The following DGKZ variants were observed in gnomAD, a reference collection of about 807,000 sequenced individuals.
DGKZ encodes diacylglycerol kinase zeta.
In DGKZ, 45 loss-of-function variants were observed where a neutral mutation model predicts 142.5. That is an observed-to-expected ratio of 0.32 (90% confidence interval 0.25 to 0.40). The LOEUF (loss-of-function observed/expected upper bound fraction) is 0.40, where lower values mean the gene tolerates loss of function less well. Among genes scored for constraint, DGKZ ranks in the 10% least tolerant of loss-of-function variants. DGKZ has a pLI of 1.00. For missense variants in DGKZ, 755 were observed against 1,306.5 expected, an observed-to-expected ratio of 0.58 and a Z score of 6.51; for synonymous variants, 442 against 527.0, an observed-to-expected ratio of 0.84 and a Z score of 2.21.
At chr11:46,335,568 G>A (rs888519849) in intron 1 of DGKZ, among the ~76,000 whole-genome samples, 4 of 152,266 alleles carry the variant, frequency 2.6e-5, no homozygotes, top group African/African-American at 9.6e-5. Flanking sequence ...ATCCCACTGA[G>A]GTCCCCCCAA....
At chr11:46,377,190 T>C in exon 25 of DGKZ, 1 of 1,596,874 alleles carries the variant, frequency 6.3e-7, no homozygotes, top group South Asian at 1.1e-5. Context: ...TCTCCCCACC[T>C]CACCCTGCTC....
Position 46,367,157 on chromosome 11 carries a change from T to C in DGKZ, c.162-134T>C. On this transcript the variant is annotated intron_variant, in intron 1 of 30. Transcript: ENST00000527911. The surrounding 1 kb of genome is among the most constrained non-coding windows in gnomAD (Gnocchi z 4.1). ...ATGTCTCTTGCAGGGAGCCTCTTAGTGTCTGGGGCTGCTGGGAGGCTCCTC... is the reference window on the plus strand; with the variant it reads ...ATGTCTCTTGCAGGGAGCCTCTTAGCGTCTGGGGCTGCTGGGAGGCTCCTC... The C allele has an allele frequency of 8.1e-7, 1 of 1,229,286 alleles. No individual in the cohort carries two copies. Among genetic ancestry groups the C allele is most frequent in the Non-Finnish European group, 1.2e-6 (1 of 857,826 alleles). The allele number at this position is 1,229,286 out of a possible 1,614,324, so 76.1% of individuals were successfully genotyped here.
chr11:46,363,924 G>T (rs1454778803), intron 1 of DGKZ, among the ~76,000 whole-genome samples: 1 of 152,210 alleles, frequency 6.6e-6, no homozygotes, highest in African/African-American at 2.4e-5. Flanking sequence ...GCCGCTGACT[G>T]GCCGTGGGAC....
chr11:46,337,287 C>CTTTTT (rs948859545), intron 1 of DGKZ, among the ~76,000 whole-genome samples: 2 of 86,290 alleles, frequency 2.3e-5, no homozygotes, highest in Non-Finnish European at 4.9e-5. Flanking sequence ...TAAATGGGTT[C>CTTTTT]TTTTTTTTTT....
intron 1 of DGKZ, among the ~76,000 whole-genome samples, chr11:46,335,907 C>G (rs187719639): frequency 6.6e-6 from 1 of 152,178 alleles, no homozygotes; most frequent in African/African-American, 2.4e-5. Flanking sequence ...ACTGGGGGAC[C>G]GGGGGCTGGC....
rs909823965 is a variant in DGKZ, at chr11:46,374,919, C to T, written c.1599-15C>T. ...GACTGTGTTTTGAGGCCCATGTCAT[C>T]GCCCGCCTTTGCAGGTACTGTGCGG... On this transcript the variant is annotated splice_polypyrimidine_tract_variant and intron_variant, in intron 18 of 30. Transcript: ENST00000527911. The T allele has an allele frequency of 5.7e-6, 9 of 1,579,670 alleles. No homozygotes were observed. The highest frequency in any genetic ancestry group is 4.0e-5 in the African/African-American group (3 of 74,170).
chr11:46,370,065 C>T (rs1219893505), intron 6 of DGKZ, 56 bp downstream of exon 6: 2 of 1,603,720 alleles, frequency 1.2e-6, no homozygotes, highest in African/African-American at 1.3e-5. Flanking sequence ...TGAGCCCAGG[C>T]CATGTGGCCG....
chr11:46,347,349 C>G (rs1334554621), upstream of DGKZ: 60 of 984,616 alleles, frequency 6.1e-5, 1 homozygote, highest in South Asian at 1.8e-3. This position sits in a 1 kb window ranked among gnomAD's most constrained non-coding sequence, Gnocchi z 6.4. Flanking sequence ...GCGCAGCGGG[C>G]GTCCGGCAGA....
intron 27 of DGKZ, 88 bp from the exon 28 acceptor site, chr11:46,378,903 G>T: frequency 6.7e-7 from 1 of 1,482,384 alleles, no homozygotes; most frequent in Non-Finnish European, 8.9e-7. Context: ...GGCCTGTGCT[G>T]GTGTACCCGG....
chr11:46,354,516 T>C (rs984037589), intron 1 of DGKZ, among the ~76,000 whole-genome samples: 4 of 152,234 alleles, frequency 2.6e-5, no homozygotes, highest in Non-Finnish European at 5.9e-5. Flanking sequence ...TTTTAAGAAA[T>C]GATTTTGAAA....
chr11:46,374,368 T>A, intron 15 of DGKZ, 31 bp from the exon 16 acceptor site: 1 of 1,613,938 alleles, frequency 6.2e-7, no homozygotes, highest in Non-Finnish European at 8.5e-7. Flanking sequence ...CTGGGGTGAC[T>A]CACTGGCCCC....
chr11:46,378,800 C>T, intron 27 of DGKZ, 191 bp from the exon 28 acceptor site: 1 of 1,021,018 alleles, frequency 9.8e-7, no homozygotes, highest in Non-Finnish European at 1.5e-6. Context: ...AGAGAGCCCA[C>T]AGGCTGTGGG....
At chr11:46,370,124 C>T in intron 6 of DGKZ, 115 bp downstream of exon 6, 2 of 1,331,792 alleles carry the variant, frequency 1.5e-6, no homozygotes, top group Non-Finnish European at 2.1e-6. Flanking sequence ...GAGTCCGGGG[C>T]TGACCCTCAG....
chr11:46,366,626 G>C (rs1444593236), intron 1 of DGKZ: 3 of 1,606,906 alleles, frequency 1.9e-6, no homozygotes, highest in Non-Finnish European at 2.5e-6. Context: ...GGGTGTCCAG[G>C]AGGATGTGGT....
At chr11:46,356,818 C>T (rs543603501) in intron 1 of DGKZ, among the ~76,000 whole-genome samples, 85 of 152,222 alleles carry the variant, frequency 5.6e-4, no homozygotes, top group African/African-American at 2.0e-3. Context: ...TATGAGGATA[C>T]GGGCCATGGG....
At chr11:46,352,459 T>C (rs987246568) in intron 1 of DGKZ, among the ~76,000 whole-genome samples, 3 of 152,146 alleles carry the variant, frequency 2.0e-5, no homozygotes, top group Non-Finnish European at 4.4e-5. Context: ...GCAGGCTGGG[T>C]GGGTGCCTCT....
In DGKZ at chr11:46,376,511, C is replaced by G. The variant is rs750803262; in HGVS notation, c.2162-13C>G. On this transcript the variant is annotated splice_polypyrimidine_tract_variant and intron_variant, in intron 23 of 30. Transcript: ENST00000527911. ...TGGCACTCCCTGATCCTCAGCTGCC[C>G]TCTCTCCCACAGCCACCACTGCCAG... 5 of 1,613,720 alleles carry G rather than the reference C, an allele frequency of 3.1e-6. No homozygotes were observed. The Admixed American group carries it at 8.3e-5, about 27-fold the overall frequency.
At chr11:46,358,847 TATA>T (rs1319440730) in intron 1 of DGKZ, among the ~76,000 whole-genome samples, 1 of 152,112 alleles carries the variant, frequency 6.6e-6, no homozygotes, top group Non-Finnish European at 1.5e-5. Flanking sequence ...TTTGGTATTG[TATA>T]ATAACATGTG....
chr11:46,373,312 A>T (rs1387757941), intron 14 of DGKZ, among the ~76,000 whole-genome samples: 3 of 108,598 alleles, frequency 2.8e-5, no homozygotes, highest in African/African-American at 3.7e-5. Context: ...TTTGAGACTG[A>T]GTCTCGCTCT....
Sources: gnomAD v4.1 joint callset for allele counts (sites outside exome capture counted in the v4.1 genomes callset) on GRCh38, gnomAD v4.1.1 for gene constraint, Gnocchi (gnomAD v3.1) non-coding constraint, MANE v1.5 for transcripts, NCBI Gene and HGNC (gene_info 2026-07-23, HGNC 2026-07-21) for gene names.